The following NEB variants were observed in gnomAD, a reference collection of about 807,000 sequenced individuals.
NEB encodes the protein nebulin, also known as nemaline myopathy type 2.
In NEB, 512 loss-of-function variants were observed where a neutral mutation model predicts 952.2. The observed-to-expected ratio is 0.54, with a 90% CI of 0.50 to 0.58. The LOEUF (loss-of-function observed/expected upper bound fraction) is 0.58. NEB is among the 20% of genes least tolerant of loss of function. The pLI is 0.00. For missense variants in NEB, 8,428 were observed against 9,231.1 expected (o/e 0.91, Z 3.56); for synonymous variants, 2,900 against 3,149.8 (o/e 0.92, Z 2.66).
At chr2:151,617,239 C>G in intron 75 of NEB, 125 bp downstream of exon 75, 1 of 584,048 alleles carries the variant, frequency 1.7e-6, no homozygotes, top group East Asian at 2.9e-5. Context: ...TGAGAACTAT[C>G]TCTTCTACTG....
Position 151,547,433 on chromosome 2 carries a change from C to T in NEB, c.20363G>A (p.Ser6788Asn). 2 of 1,594,394 alleles carry T rather than the reference C, an allele frequency of 1.3e-6. No homozygotes were observed. Among genetic ancestry groups the T allele is most frequent in the Non-Finnish European group, 1.7e-6 (2 of 1,169,242 alleles). ...IHCRYVGDIT[S>N]DIKYKEDLQV... ...AGACCCCTACGAGATGCTTACATCA[C>T]TGGTGATGTCTCCCACATAGCGGCA... The change falls in exon 133 of 182, where the codon AGT (serine) becomes AAT (asparagine). Residue 6788 changes from serine to asparagine, a missense_variant. By Grantham distance (46) the Ser-to-Asn change is conservative (BLOSUM62 1). Coordinates refer to ENST00000397345, the MANE Select transcript of NEB (RefSeq NM_001164508.2).
rs1373392560 is a variant in NEB, at chr2:151,492,451, G to A, written c.24809C>T (p.Ala8270Val). ...CTCGGGGGTATCCAATACATAGGCA[G>A]CTTTGCCTTGTATTTGTTTCCGGAA... Reference protein sequence around the residue: ...DSFRKQIQGKAAYVLDTPEMR... With the variant: ...DSFRKQIQGKVAYVLDTPEMR... The change falls in exon 177 of 182, where the codon GCT becomes GTT. Residue 8270 changes from alanine to valine, a missense_variant. Physicochemically the swap from Ala to Val is moderately conservative, Grantham distance 64. Transcript: ENST00000397345. 6.2e-7 allele frequency: 1 copy of A among 1,613,044 alleles called. No homozygotes were observed. The highest frequency in any genetic ancestry group is 1.7e-5 in the Admixed American group (1 of 59,906).
intron 38 of NEB, 84 bp downstream of exon 38, chr2:151,670,939 C>A: frequency 7.2e-7 from 1 of 1,382,996 alleles, no homozygotes; most frequent in African/African-American, 1.4e-5. Flanking sequence ...TGCATCCTCA[C>A]ACATTGAATT....
intron 13 of NEB, among the ~76,000 whole-genome samples, chr2:151,705,725 G>A (rs2099703217): frequency 6.6e-6 from 1 of 152,136 alleles, no homozygotes; most frequent in African/African-American, 2.4e-5. Flanking sequence ...TATACAGCAT[G>A]GAATGCTACT....
At chr2:151,565,861 T>C in intron 114 of NEB, 41 bp from the exon 115 acceptor site, 1 of 1,400,670 alleles carries the variant, frequency 7.1e-7, no homozygotes, top group Non-Finnish European at 1.0e-6. Flanking sequence ...AATAAATGAC[T>C]GAGACACAGG....
intron 124 of NEB, 39 bp from the exon 125 acceptor site, chr2:151,555,083 G>T: frequency 7.4e-7 from 1 of 1,354,252 alleles, no homozygotes; most frequent in South Asian, 1.2e-5. Flanking sequence ...CAGTTTTAGA[G>T]AGTAATGGAT....
Position 151,562,716 on chromosome 2 carries a change from G to A in NEB, c.18786C>T (p.Tyr6262=), listed in dbSNP as rs374874999. 394 of 1,606,870 alleles carry A rather than the reference G, an allele frequency of 2.5e-4. No homozygotes were observed. Among genetic ancestry groups the A allele is most frequent in the Non-Finnish European group, 3.2e-4 (378 of 1,176,226 alleles). The change falls in exon 120 of 182, where the codon TAC becomes TAT. Residue 6262 remains tyrosine (Y), a synonymous_variant. Transcript: ENST00000397345. Reference sequence around the variant, plus strand: ...GTCGATACTCCAGGTCACTGAGGATGTACTGGCACCTTTTAGCCAGCACGT... The same window carrying A: ...GTCGATACTCCAGGTCACTGAGGATATACTGGCACCTTTTAGCCAGCACGT... The part of the protein sequence containing the change: ...MNHVLAKRCQ[Y]ILSDLEYRHY...
Position 151,540,103 on chromosome 2 carries a change from A to G in NEB, c.20892+241T>C, listed in dbSNP as rs142319849. On this transcript the variant is annotated intron_variant, in intron 138 of 181. Transcript: ENST00000397345. Reference sequence around the variant, plus strand: ...CCCCAGAAAATGCTGCTGAAGAATTATAAGAAAGGGTCATATTTTTATTCA... The same window carrying G: ...CCCCAGAAAATGCTGCTGAAGAATTGTAAGAAAGGGTCATATTTTTATTCA... Among the ~76,000 whole-genome samples, 42 of 152,328 alleles carry G rather than the reference A, an allele frequency of 2.8e-4. No individual in the cohort carries two copies. In the East Asian group the frequency reaches 7.5e-3, roughly 27 times the overall value.
chr2:151,567,566 A>C, intron 113 of NEB, 87 bp from the exon 114 acceptor site: 1 of 1,259,400 alleles, frequency 7.9e-7, no homozygotes, highest in African/African-American at 1.5e-5. Flanking sequence ...GGATATCAGC[A>C]AATTCAGCCC....
At chr2:151,501,926 T>A (rs1407244340) in intron 167 of NEB, among the ~76,000 whole-genome samples, 1 of 152,196 alleles carries the variant, frequency 6.6e-6, no homozygotes, top group East Asian at 1.9e-4. Context: ...CTGAAAGTTT[T>A]CCAAAGGAAA....
At chr2:151,710,157 G>C (rs2099740360) in intron 11 of NEB, among the ~76,000 whole-genome samples, 1 of 152,192 alleles carries the variant, frequency 6.6e-6, no homozygotes, top group African/African-American at 2.4e-5. Flanking sequence ...CCTTTAACTT[G>C]TACTAATCTC....
intron 168 of NEB, among the ~76,000 whole-genome samples, chr2:151,499,749 G>A (rs987251261): frequency 2.6e-5 from 4 of 152,154 alleles, no homozygotes; most frequent in African/African-American, 9.7e-5. Context: ...TACAAAAAGC[G>A]TTTGTCTTAC....
At position 151,697,210 on chromosome 2, in the gene NEB, A is replaced by G; in HGVS notation, c.1408T>C (p.Phe470Leu). ...TCTTGAGTTATGGTCTGAGGGAAGA[A>G]GCCTTTGCCTCTGTCTTCTTCGTAT... ...AEYEEDRGKG[F>L]FPQTITQEYE... Residue 470 changes from phenylalanine to leucine, a missense_variant, in exon 16 of 182, where the codon TTC (phenylalanine) becomes CTC (leucine). Phe to Leu is a conservative substitution (Grantham distance 22). Coordinates refer to ENST00000397345, the MANE Select transcript of NEB (RefSeq NM_001164508.2). 1 of 1,613,848 alleles carries G rather than the reference A, an allele frequency of 6.2e-7. No individual in the cohort carries two copies. Among genetic ancestry groups the G allele is most frequent in the Non-Finnish European group, 8.5e-7 (1 of 1,179,862 alleles).
At chr2:151,568,026 C>G (rs1196957868) in intron 113 of NEB, 45 bp downstream of exon 113, 1 of 1,446,806 alleles carries the variant, frequency 6.9e-7, no homozygotes, top group African/African-American at 1.4e-5. Flanking sequence ...TCCCTGGGAG[C>G]AAGGTCCCAC....
Position 151,490,485 on chromosome 2 carries a change from C to G in NEB, c.25184G>C (p.Arg8395Pro), listed in dbSNP as rs779983347. Residue 8395 changes from arginine (R) to proline (P), a missense_variant, in exon 180 of 182, where the codon CGA becomes CCA. Arg to Pro is a moderately radical substitution (Grantham distance 103, BLOSUM62 -2). Transcript: ENST00000397345. ...QAQRRSREQS[R>P]SASALSISGG... is the part of the protein sequence containing the mutation. Reference sequence around the variant, plus strand: ...ACTGATGCTTAGTGCACTGGCAGATCGTGACTGCTCCCGGCTCCGGCGCTG... The same window carrying G: ...ACTGATGCTTAGTGCACTGGCAGATGGTGACTGCTCCCGGCTCCGGCGCTG... 2 of 1,609,038 alleles carry G rather than the reference C, an allele frequency of 1.2e-6. No homozygotes were observed. Among genetic ancestry groups the G allele is most frequent in the Non-Finnish European group, 1.7e-6 (2 of 1,177,856 alleles).
At chr2:151,535,377 C>T (rs1396049622) in intron 142 of NEB, among the ~76,000 whole-genome samples, 1 of 152,110 alleles carries the variant, frequency 6.6e-6, no homozygotes, top group Non-Finnish European at 1.5e-5. Flanking sequence ...AAGGGAGTTC[C>T]GCTGACAGTC....
intron 58 of NEB, 60 bp downstream of exon 58, chr2:151,643,090 C>A: frequency 6.7e-7 from 1 of 1,501,756 alleles, no homozygotes; most frequent in Non-Finnish European, 9.2e-7. Flanking sequence ...TACAAACAGA[C>A]TTCAGTGTTT....
chr2:151,656,357 T>C lies in NEB; in HGVS notation c.6291A>G (p.Gln2097=), dbSNP rs753864118. ...AGTTTTTCTTGTACTCCCGATCAGA[T>C]TGCATCTTAGCCACTTGCATGGAAT... The part of the protein sequence containing the change: ...LVHSMQVAKM[Q]SDREYKKNYE... Residue 2097 remains glutamine, a synonymous_variant, in exon 49 of 182, where the codon CAA becomes CAG. Transcript: ENST00000397345. The C allele has an allele frequency of 3.8e-5, 61 of 1,613,662 alleles. No homozygotes were observed. The Admixed American group carries it at 7.7e-4, about 20-fold the overall frequency.
At position 151,485,529 on chromosome 2, in the gene NEB, T is replaced by C; in HGVS notation, c.*231A>G. ...AAAAGAAATAATGTTAAAACATGTTTATAATGGAGAAAGACTCTAGGCACA... is the reference window on the plus strand; with the variant it reads ...AAAAGAAATAATGTTAAAACATGTTCATAATGGAGAAAGACTCTAGGCACA... On this transcript the variant is annotated 3_prime_UTR_variant, in exon 182 of 182. Coordinates refer to ENST00000397345, the MANE Select transcript of NEB (RefSeq NM_001164508.2). The C allele has an allele frequency of 2.6e-6, 1 of 383,730 alleles. No homozygotes were observed. The highest frequency in any genetic ancestry group is 3.8e-5 in the East Asian group (1 of 26,240). 23.8% of individuals were successfully genotyped at this position (383,730 alleles called of 1,614,324 possible).
Sources: gnomAD v4.1 joint callset for allele counts (sites outside exome capture counted in the v4.1 genomes callset) on GRCh38, gnomAD v4.1.1 for gene constraint, MANE v1.5 for transcripts, NCBI Gene and HGNC (gene_info 2026-07-23, HGNC 2026-07-21) for gene names.